The following ZMAT4 variants were observed in gnomAD, a reference collection of about 807,000 sequenced individuals.
ZMAT4 encodes the protein zinc finger matrin-type 4.
ZMAT4 carries 17 observed loss-of-function variants against 28.7 expected under a neutral mutation model. The ratio of observed to expected loss-of-function variants is 0.59; its 90% CI spans 0.41 to 0.89. The LOEUF (loss-of-function observed/expected upper bound fraction) is 0.89. ZMAT4 is among the 40% of genes least tolerant of loss of function. The probability of loss-of-function intolerance (pLI) is 0.00; values close to 1 mark genes in which losing one functional copy is unlikely to be tolerated. For missense variants in ZMAT4, 240 were observed against 283.8 expected (o/e 0.85, Z 1.11); for synonymous variants, 117 against 109.2 (o/e 1.07, Z -0.44).
intron 2 of ZMAT4, among the ~76,000 whole-genome samples, chr8:40,801,352 ATAT>A (rs1426629682): frequency 3.2e-3 from 229 of 72,144 alleles, no homozygotes; most frequent in South Asian, 0.025. Flanking sequence ...AAAAAAAAAA[ATAT>A]ATATATATAT....
At chr8:40,688,893 C>T (rs1809537051) in intron 4 of ZMAT4, among the ~76,000 whole-genome samples, 2 of 152,178 alleles carry the variant, frequency 1.3e-5, no homozygotes, top group South Asian at 4.1e-4. Context: ...TTCCCCACCT[C>T]TGGGAGAGGA....
At chr8:40,630,578 G>A (rs1314740097) in intron 5 of ZMAT4, among the ~76,000 whole-genome samples, 1 of 152,184 alleles carries the variant, frequency 6.6e-6, no homozygotes, top group Non-Finnish European at 1.5e-5. Context: ...GGCAGTGGTT[G>A]ACTGGTGGGA....
At chr8:40,771,728 T>C (rs1164963084) in intron 2 of ZMAT4, among the ~76,000 whole-genome samples, 1 of 152,240 alleles carries the variant, frequency 6.6e-6, no homozygotes, top group African/African-American at 2.4e-5. Context: ...TACATAAGTG[T>C]CACTTTCACT....
intron 1 of ZMAT4, among the ~76,000 whole-genome samples, chr8:40,876,993 C>T (rs1374558509): frequency 1.3e-5 from 2 of 152,208 alleles, no homozygotes; most frequent in African/African-American, 2.4e-5. Context: ...TCCACTCCTT[C>T]AGAATGCAAC....
chr8:40,682,261 G>A (rs1809203903), intron 4 of ZMAT4, among the ~76,000 whole-genome samples: 1 of 152,106 alleles, frequency 6.6e-6, no homozygotes, highest in African/African-American at 2.4e-5. Context: ...GGGACCTTGT[G>A]GTGCCACAAC....
chr8:40,595,767 A>G (rs1485687357), intron 5 of ZMAT4, among the ~76,000 whole-genome samples: 1 of 152,002 alleles, frequency 6.6e-6, no homozygotes, highest in East Asian at 1.9e-4. Context: ...AGTGGTAAGT[A>G]TTTATGTAAA....
intron 4 of ZMAT4, among the ~76,000 whole-genome samples, chr8:40,683,296 C>T (rs1296081168): frequency 6.6e-6 from 1 of 152,114 alleles, no homozygotes; most frequent in African/African-American, 2.4e-5. Flanking sequence ...CAGTTATTTC[C>T]CTGTAGTATA....
chr8:40,610,692 C>T (rs1805762469), intron 5 of ZMAT4, among the ~76,000 whole-genome samples: 1 of 151,690 alleles, frequency 6.6e-6, no homozygotes. Context: ...TAGAAATAGG[C>T]ATTTGATGTT....
At chr8:40,829,506 T>G (rs925509826) in intron 1 of ZMAT4, among the ~76,000 whole-genome samples, 2 of 152,146 alleles carry the variant, frequency 1.3e-5, no homozygotes, top group African/African-American at 4.8e-5. Flanking sequence ...TGCATCTAGG[T>G]ATCAGGAATA....
chr8:40,785,527 C>G (rs76201568), intron 2 of ZMAT4, among the ~76,000 whole-genome samples: 9 of 152,182 alleles, frequency 5.9e-5, no homozygotes, highest in African/African-American at 1.7e-4. Flanking sequence ...GCAAAGGAAA[C>G]AGAAGTGTCT....
Position 40,729,293 on chromosome 8 carries a change from T to A in ZMAT4, c.193-31892A>T, listed in dbSNP as rs536553422. Among the ~76,000 whole-genome samples the A allele has an allele frequency of 1.1e-3, 163 of 152,282 alleles. 1 individual carries two copies. Among genetic ancestry groups the A allele is most frequent in the African/African-American group, 3.8e-3 (157 of 41,560 alleles). On this transcript the variant is annotated intron_variant, in intron 3 of 6. Transcript: ENST00000297737. Reference sequence around the variant, plus strand: ...CTTTTGGAGGACAGTTAATTATCTCTGTCATATCAAGTATCCAAATGGGAG... The same window carrying A: ...CTTTTGGAGGACAGTTAATTATCTCAGTCATATCAAGTATCCAAATGGGAG...
intron 5 of ZMAT4, among the ~76,000 whole-genome samples, chr8:40,649,089 G>A (rs1432135148): frequency 2.0e-5 from 3 of 150,278 alleles, no homozygotes; most frequent in Non-Finnish European, 4.4e-5. Context: ...AACTTTAAAT[G>A]TAAATGGACT....
intron 1 of ZMAT4, among the ~76,000 whole-genome samples, chr8:40,850,718 G>C (rs1403276904): frequency 6.6e-6 from 1 of 151,910 alleles, no homozygotes; most frequent in African/African-American, 2.4e-5. Context: ...ACGTGGGGTG[G>C]GATTAAACTC....
At chr8:40,653,418 G>A (rs942388241) in intron 5 of ZMAT4, among the ~76,000 whole-genome samples, 2 of 151,788 alleles carry the variant, frequency 1.3e-5, no homozygotes, top group African/African-American at 4.8e-5. Flanking sequence ...TAGAATAGAA[G>A]AAGATGAAAT....
chr8:40,744,214 G>T (rs899485301), intron 3 of ZMAT4, among the ~76,000 whole-genome samples: 2 of 152,196 alleles, frequency 1.3e-5, no homozygotes, highest in African/African-American at 4.8e-5. Context: ...AGAAGAGACT[G>T]CTTCACAGAT....
chr8:40,716,434 G>A (rs1333779964), intron 3 of ZMAT4, among the ~76,000 whole-genome samples: 1 of 152,170 alleles, frequency 6.6e-6, no homozygotes, highest in African/African-American at 2.4e-5. Flanking sequence ...GCTCATGCCT[G>A]TAATCCCAGC....
intron 2 of ZMAT4, among the ~76,000 whole-genome samples, chr8:40,809,556 A>G (rs1430207801): frequency 6.6e-6 from 1 of 152,240 alleles, no homozygotes; most frequent in Non-Finnish European, 1.5e-5. Flanking sequence ...TTAAAAGACT[A>G]ATGATTAAAC....
intron 3 of ZMAT4, among the ~76,000 whole-genome samples, chr8:40,716,561 G>A (rs1810863460): frequency 6.6e-6 from 1 of 152,138 alleles, no homozygotes; most frequent in African/African-American, 2.4e-5. Context: ...GTGTGGTGGT[G>A]CATGCCTGTA....
intron 3 of ZMAT4, among the ~76,000 whole-genome samples, chr8:40,733,032 T>C (rs1404771905): frequency 1.3e-5 from 2 of 151,766 alleles, no homozygotes; most frequent in Non-Finnish European, 2.9e-5. Context: ...TTCATTATCT[T>C]AGAGGTCTTG....
Sources: allele counts gnomAD v4.1 joint callset (sites outside exome capture counted in the v4.1 genomes callset), GRCh38; gene constraint gnomAD v4.1.1; transcripts MANE v1.5; gene names NCBI Gene and HGNC (gene_info 2026-07-23, HGNC 2026-07-21).